The following MARCHF1 variants were observed in gnomAD, a reference collection of about 807,000 sequenced individuals.
MARCHF1 encodes E3 ubiquitin-protein ligase MARCHF1.
In MARCHF1, 40 loss-of-function variants were observed where a neutral mutation model predicts 54.2. That is an observed-to-expected ratio of 0.74 (90% confidence interval 0.57 to 0.96). MARCHF1 has a LOEUF of 0.96. Among genes scored for constraint, MARCHF1 ranks in the 40% least tolerant of loss-of-function variants. MARCHF1 has a pLI of 0.00. For synonymous variants in MARCHF1, 236 were observed against 236.3 expected, an observed-to-expected ratio of 1.00 and a Z score of 0.01; for missense variants, 586 against 656.5, an observed-to-expected ratio of 0.89 and a Z score of 1.17.
chr4:163,649,870 A>G (rs1742903062), intron 5 of MARCHF1, among the ~76,000 whole-genome samples: 1 of 151,958 alleles, frequency 6.6e-6, no homozygotes, highest in Non-Finnish European at 1.5e-5. Flanking sequence ...TGAGCAGCTG[A>G]ATAAGCACAA....
chr4:163,837,755 C>CA (rs921373998), intron 4 of MARCHF1, among the ~76,000 whole-genome samples: 5 of 151,766 alleles, frequency 3.3e-5, no homozygotes, highest in African/African-American at 9.7e-5. Flanking sequence ...AACATGCAAA[C>CA]AAAAAAATCA....
At position 163,968,865 on chromosome 4, in the gene MARCHF1, T is replaced by C. The variant is rs139554481; in HGVS notation, c.-39+19636A>G. On this transcript the variant is annotated intron_variant, in intron 3 of 9. Coordinates refer to ENST00000514618, the MANE Select transcript of MARCHF1 (RefSeq NM_001394959.1). ...GACTTCCTGGCTCAGAAATTGTTTA[T>C]CCAAAATCACTGTGTCTAGACAAAG... is the stretch of plus-strand genomic sequence containing the variant. Among the ~76,000 whole-genome samples the C allele has an allele frequency of 1.6e-4, 25 of 152,194 alleles. No homozygotes were observed. In the East Asian group the frequency reaches 4.8e-3, roughly 29 times the overall value.
chr4:163,881,544 TGGA>T (rs1053635812), intron 3 of MARCHF1, among the ~76,000 whole-genome samples: 8 of 152,164 alleles, frequency 5.3e-5, no homozygotes, highest in African/African-American at 1.9e-4. Context: ...TGCCATGCAC[TGGA>T]GGAGAAGTAA....
intron 7 of MARCHF1, among the ~76,000 whole-genome samples, chr4:163,607,695 T>G (rs1741189526): frequency 6.6e-6 from 1 of 152,146 alleles, no homozygotes; most frequent in Non-Finnish European, 1.5e-5. Context: ...TTCTTTAGAT[T>G]CTTTTCTCTC....
At chr4:163,981,301 A>G (rs1752758404) in intron 3 of MARCHF1, among the ~76,000 whole-genome samples, 1 of 152,216 alleles carries the variant, frequency 6.6e-6, no homozygotes, top group Admixed American at 6.5e-5. Context: ...CACTTTCGTT[A>G]TCCAGATTTG....
chr4:163,827,624 C>T (rs147461662), intron 4 of MARCHF1, among the ~76,000 whole-genome samples: 2 of 152,256 alleles, frequency 1.3e-5, no homozygotes, highest in Non-Finnish European at 2.9e-5. Context: ...ACATGGTTAG[C>T]ATCAATAAGA....
chr4:164,107,442 ACT>A (rs990209116), intron 2 of MARCHF1, among the ~76,000 whole-genome samples: 3 of 152,076 alleles, frequency 2.0e-5, no homozygotes, highest in African/African-American at 7.2e-5. Flanking sequence ...CTCACTGCAA[ACT>A]CTGCCTCTTG....
chr4:163,986,201 T>A (rs1752858652), intron 3 of MARCHF1, among the ~76,000 whole-genome samples: 1 of 150,284 alleles, frequency 6.7e-6, no homozygotes, highest in South Asian at 2.1e-4. Context: ...TTTTAGAAAT[T>A]ATACGAAGGC....
intron 1 of MARCHF1, among the ~76,000 whole-genome samples, chr4:164,250,849 C>A (rs536488388): frequency 6.6e-6 from 1 of 152,188 alleles, no homozygotes; most frequent in South Asian, 2.1e-4. Flanking sequence ...TCAAACCCTT[C>A]AAATCTATCA....
chr4:164,296,595 C>G (rs551872262), intron 1 of MARCHF1, among the ~76,000 whole-genome samples: 90 of 152,134 alleles, frequency 5.9e-4, no homozygotes, highest in African/African-American at 2.1e-3. Flanking sequence ...GTCTTGAACT[C>G]CTGACCTCAA....
intron 1 of MARCHF1, among the ~76,000 whole-genome samples, chr4:164,141,849 T>C (rs1756544602): frequency 6.6e-6 from 1 of 152,208 alleles, no homozygotes. Context: ...AGCTCCAGTC[T>C]ACAGCTCCCA....
At chr4:163,840,169 T>C (rs1423651176) in intron 4 of MARCHF1, among the ~76,000 whole-genome samples, 1 of 152,114 alleles carries the variant, frequency 6.6e-6, no homozygotes, top group East Asian at 1.9e-4. Context: ...AGAAGTGAAA[T>C]AAATTATGCC....
At chr4:164,211,327 G>GTATA (rs1382533907) in intron 1 of MARCHF1, among the ~76,000 whole-genome samples, 16 of 53,512 alleles carry the variant, frequency 3.0e-4, no homozygotes, top group Non-Finnish European at 5.4e-4. Context: ...GTGTATGTAT[G>GTATA]TATGTATATA....
chr4:163,616,628 C>T (rs533615670), intron 5 of MARCHF1, among the ~76,000 whole-genome samples: 10 of 152,066 alleles, frequency 6.6e-5, no homozygotes, highest in East Asian at 1.9e-4. Flanking sequence ...GCCTGTAGTC[C>T]GAGCTACTTG....
intron 3 of MARCHF1, among the ~76,000 whole-genome samples, chr4:163,918,850 T>C (rs955469884): frequency 2.6e-5 from 4 of 152,128 alleles, no homozygotes; most frequent in African/African-American, 9.6e-5. Context: ...TGTTTCTGCA[T>C]CAATTTAATA....
At chr4:164,160,620 A>T (rs1434716363) in intron 1 of MARCHF1, among the ~76,000 whole-genome samples, 15 of 152,192 alleles carry the variant, frequency 9.9e-5, no homozygotes, top group Admixed American at 9.8e-4. Context: ...ATAACTTTGG[A>T]TATAATTTTT....
At chr4:164,136,775 A>G (rs1178244653) in intron 1 of MARCHF1, among the ~76,000 whole-genome samples, 2 of 151,004 alleles carry the variant, frequency 1.3e-5, no homozygotes, top group South Asian at 2.1e-4. Context: ...ACAGAGCATG[A>G]GCAGTCCACC....
intron 1 of MARCHF1, among the ~76,000 whole-genome samples, chr4:164,147,877 A>T (rs1014571253): frequency 6.6e-6 from 1 of 151,940 alleles, no homozygotes; most frequent in Non-Finnish European, 1.5e-5. Context: ...GCAAAAAAAA[A>T]ATTACATATG....
intron 8 of MARCHF1, among the ~76,000 whole-genome samples, chr4:163,572,431 T>C (rs1007728754): frequency 3.9e-5 from 6 of 151,984 alleles, no homozygotes; most frequent in Non-Finnish European, 8.8e-5. Context: ...GTTTTACAGA[T>C]GAAGAAACTG....
Sources: gnomAD v4.1 joint callset for allele counts (sites outside exome capture counted in the v4.1 genomes callset) on GRCh38, gnomAD v4.1.1 for gene constraint, MANE v1.5 for transcripts, NCBI Gene and HGNC (gene_info 2026-07-23, HGNC 2026-07-21) for gene names.